Variants in DMC1 observed in about 807,000 individuals in gnomAD.
DMC1 encodes DNA meiotic recombinase 1.
DMC1 carries 27 observed loss-of-function variants against 50.1 expected under a neutral mutation model. That is an observed-to-expected ratio of 0.54 (90% CI 0.40 to 0.74). DMC1 has a LOEUF of 0.74. DMC1 is among the 30% of genes least tolerant of loss of function. The pLI, the probability that DMC1 is intolerant of heterozygous loss-of-function variation, is 0.00. For missense variants in DMC1, 295 were observed against 420.2 expected (o/e 0.70, Z 2.60); for synonymous variants, 148 against 136.1 (o/e 1.09, Z -0.61).
chr22:38,552,565 G>T (rs2090424052), intron 7 of DMC1, 101 bp downstream of exon 7: 2 of 919,298 alleles, frequency 2.2e-6, no homozygotes, highest in Non-Finnish European at 3.5e-6. Context: ...TTCCTTGCAA[G>T]TATGTTCAGA....
At chr22:38,509,774 A>AT in the DMC1 span, among the ~76,000 whole-genome samples, 1 of 151,988 alleles carries the variant, frequency 6.6e-6, no homozygotes, top group Non-Finnish European at 1.5e-5. Flanking sequence ...GGTTCAAGCA[A>AT]TTCTCCTGCC....
chr22:38,537,041 G>T (rs181473447), intron 12 of DMC1, among the ~76,000 whole-genome samples: 1 of 151,756 alleles, frequency 6.6e-6, no homozygotes, highest in African/African-American at 2.4e-5. Flanking sequence ...TAGTAGAGAC[G>T]AGGCTTCATC....
intron 5 of DMC1, among the ~76,000 whole-genome samples, chr22:38,557,415 A>T (rs2090478545): frequency 6.6e-6 from 1 of 152,134 alleles, no homozygotes; most frequent in Non-Finnish European, 1.5e-5. Context: ...TTTCATATTA[A>T]ATTTGGCAAT....
downstream of DMC1, among the ~76,000 whole-genome samples, chr22:38,515,474 C>A: frequency 8.5e-6 from 1 of 118,246 alleles, no homozygotes; most frequent in African/African-American, 3.3e-5. Flanking sequence ...TGAAATCCCT[C>A]TCAAAAAAAA....
chr22:38,539,259 G>A lies in DMC1; in HGVS notation c.586+62C>T, dbSNP rs2090253031. On this transcript the variant is annotated intron_variant, in intron 9 of 13. Transcript: ENST00000216024. ...AGTATCAAAATGTTGTATCCCTCAA[G>A]TAGTAAATCAGTGCTGCCAACCTTA... is the stretch of plus-strand genomic sequence containing the variant. 29 of 1,133,392 alleles carry A rather than the reference G, an allele frequency of 2.6e-5. No individual in the cohort carries two copies. The South Asian group carries it at 2.8e-4, about 11-fold the overall frequency. 70.2% of individuals were successfully genotyped at this position (1,133,392 alleles called of 1,614,324 possible).
intron 6 of DMC1, 37 bp downstream of exon 6, chr22:38,555,317 TATA>T: frequency 2.3e-6 from 3 of 1,310,628 alleles, no homozygotes; most frequent in Non-Finnish European, 3.3e-6. Flanking sequence ...TGTGTGTGTG[TATA>T]ATATTTCATT....
chr22:38,539,913 C>A (rs2090262001), intron 8 of DMC1, among the ~76,000 whole-genome samples: 1 of 152,112 alleles, frequency 6.6e-6, no homozygotes, highest in Admixed American at 6.6e-5. Context: ...TCTCTTCATA[C>A]CCCTCATTCC....
rs1302664239 is a variant in DMC1 at position 38,562,322 on chromosome 22, C to A, written c.291G>T (p.Met97Ile). 6.2e-7 allele frequency: 1 copy of A among 1,612,614 alleles called. No homozygotes were observed. Among genetic ancestry groups the A allele is most frequent in the South Asian group, 1.1e-5 (1 of 91,012 alleles). The part of the protein sequence containing the change: ...TAFEYSEKRK[M>I]VFHITTGSQE... ...GGCTCCCGGTGGTGATATGGAAAAC[C>A]ATTTTCCTCTTTTCACTATACTCAA... Residue 97 changes from methionine (M) to isoleucine (I), a missense_variant, in exon 5 of 14, where the codon ATG becomes ATT. Coordinates refer to ENST00000216024, the MANE Select transcript of DMC1 (RefSeq NM_007068.4).
At chr22:38,563,299 A>C (rs1015790469) in intron 4 of DMC1, among the ~76,000 whole-genome samples, 4 of 152,168 alleles carry the variant, frequency 2.6e-5, no homozygotes, top group African/African-American at 9.6e-5. Flanking sequence ...GCCCCAATGT[A>C]GTCTAATGGG....
intron 12 of DMC1, among the ~76,000 whole-genome samples, chr22:38,530,997 G>A (rs2090146068): frequency 6.6e-6 from 1 of 152,164 alleles, no homozygotes; most frequent in African/African-American, 2.4e-5. Context: ...TTGAACCTGG[G>A]AGGCGGAGGT....
At chr22:38,543,552 G>A (rs1398964916) in intron 8 of DMC1, among the ~76,000 whole-genome samples, 2 of 152,110 alleles carry the variant, frequency 1.3e-5, no homozygotes, top group African/African-American at 4.8e-5. Flanking sequence ...TAAGTACAAT[G>A]AGTTTTGAGA....
At chr22:38,554,420 C>A in intron 6 of DMC1, among the ~76,000 whole-genome samples, 1 of 137,930 alleles carries the variant, frequency 7.3e-6, no homozygotes. Flanking sequence ...TAATGAAAAC[C>A]AGATTTAGTG....
At chr22:38,539,615 T>C (rs2090258404) in intron 8 of DMC1, among the ~76,000 whole-genome samples, 1 of 152,230 alleles carries the variant, frequency 6.6e-6, no homozygotes, top group African/African-American at 2.4e-5. Flanking sequence ...TAGGTAGTGA[T>C]AATGGTCATA....
chr22:38,532,985 T>G (rs1221599764), intron 12 of DMC1, among the ~76,000 whole-genome samples: 1 of 152,192 alleles, frequency 6.6e-6, no homozygotes, highest in Non-Finnish European at 1.5e-5. Context: ...CAATAAATAT[T>G]CATTGAGTGA....
Position 38,552,702 on chromosome 22 carries a change from G to C in DMC1, c.385C>G (p.Arg129Gly). Residue 129 changes from arginine to glycine, a missense_variant, in exon 7 of 14, where the codon CGT (arginine) becomes GGT (glycine). Transcript: ENST00000216024. ...TGAGAAAGCTGGGTTTTTCCAGTAC[G>C]AAATTCTGTGAAATACAGAAAAAAA... ...MAITEAFGEF[R>G]TGKTQLSHTL... 3 of 1,581,232 alleles carry C rather than the reference G, an allele frequency of 1.9e-6. No homozygotes were observed. Among genetic ancestry groups the C allele is most frequent in the Non-Finnish European group, 2.6e-6 (3 of 1,150,574 alleles).
chr22:38,522,741 A>G (rs1209870292), intron 12 of DMC1, among the ~76,000 whole-genome samples: 1 of 152,228 alleles, frequency 6.6e-6, no homozygotes, highest in African/African-American at 2.4e-5. Flanking sequence ...GCTCCATTAA[A>G]GTGTTCATGA....
At chr22:38,510,491 G>A in the DMC1 span, among the ~76,000 whole-genome samples, 16 of 152,042 alleles carry the variant, frequency 1.1e-4, no homozygotes, top group African/African-American at 3.4e-4. Context: ...CCTCTAGAGC[G>A]CTGAATGACA....
chr22:38,555,871 G>A (rs565065260), intron 5 of DMC1, among the ~76,000 whole-genome samples: 11 of 149,992 alleles, frequency 7.3e-5, no homozygotes, highest in Admixed American at 3.3e-4. Context: ...TTGCTCTGTC[G>A]CCCAGGCTGG....
chr22:38,559,339 G>A (rs1158431223), intron 5 of DMC1, among the ~76,000 whole-genome samples: 1 of 151,032 alleles, frequency 6.6e-6, no homozygotes. Flanking sequence ...CCATTTTTTT[G>A]GTAATTTTTA....
Sources: gnomAD v4.1 joint callset for allele counts (sites outside exome capture counted in the v4.1 genomes callset) on GRCh38, gnomAD v4.1.1 for gene constraint, MANE v1.5 for transcripts, NCBI Gene and HGNC (gene_info 2026-07-23, HGNC 2026-07-21) for gene names.